The following CCDC30 variants were observed in gnomAD, a reference collection of about 807,000 sequenced individuals.
CCDC30 encodes the protein coiled-coil domain-containing protein 30.
Under a neutral mutation model 100.2 loss-of-function variants are expected in CCDC30, and 70 were observed. That is an observed-to-expected ratio of 0.70 (90% CI 0.58 to 0.85). The LOEUF is 0.85. Among genes scored for constraint, CCDC30 ranks in the 40% least tolerant of loss-of-function variants. The pLI is 0.00. For synonymous variants in CCDC30, 233 were observed against 269.5 expected (o/e 0.86, Z 1.33); for missense variants, 652 against 771.2 (o/e 0.85, Z 1.83).
intron 1 of CCDC30, among the ~76,000 whole-genome samples, chr1:42,466,668 C>T (rs192140785): frequency 1.1e-3 from 165 of 151,970 alleles, no homozygotes; most frequent in African/African-American, 3.8e-3. Flanking sequence ...TCTCCTGCCT[C>T]AGCCTCCTGG....
intron 4 of CCDC30, chr1:42,491,785 G>A (rs1483781951): frequency 3.3e-6 from 1 of 305,908 alleles, no homozygotes; most frequent in African/African-American, 2.2e-5. Flanking sequence ...GGCAAAAAGG[G>A]AGCCGAAAAT....
chr1:42,519,446 A>G (rs545752289), intron 6 of CCDC30, among the ~76,000 whole-genome samples: 1 of 152,114 alleles, frequency 6.6e-6, no homozygotes, highest in Non-Finnish European at 1.5e-5. Context: ...TTACTTACTG[A>G]TTCATTCTTC....
chr1:42,642,241 A>G (rs1008069156), intron 12 of CCDC30, among the ~76,000 whole-genome samples: 2 of 148,822 alleles, frequency 1.3e-5, no homozygotes, highest in African/African-American at 5.0e-5. Context: ...ACAAACAAAC[A>G]AAAAAATATA....
At chr1:42,563,264 C>T (rs756665528) in intron 6 of CCDC30, among the ~76,000 whole-genome samples, 1 of 152,132 alleles carries the variant, frequency 6.6e-6, no homozygotes, top group Admixed American at 6.5e-5. Context: ...CCATGGAATA[C>T]TTTGCAGCCA....
intron 6 of CCDC30, among the ~76,000 whole-genome samples, chr1:42,519,350 A>G (rs935349054): frequency 9.9e-5 from 15 of 152,182 alleles, no homozygotes; most frequent in Non-Finnish European, 2.2e-4. Context: ...GAACATTGGG[A>G]AAAAGGATAT....
intron 6 of CCDC30, among the ~76,000 whole-genome samples, chr1:42,535,709 T>A (rs12568658): frequency 4.2e-4 from 36 of 85,976 alleles, no homozygotes; most frequent in Admixed American, 5.4e-4. Flanking sequence ...TATATATATA[T>A]TATATATATA....
chr1:42,620,198 A>G (rs953344693), intron 11 of CCDC30, among the ~76,000 whole-genome samples: 3 of 152,192 alleles, frequency 2.0e-5, no homozygotes, highest in African/African-American at 2.4e-5. Flanking sequence ...ATAAAAACCT[A>G]TGAACACAAA....
At chr1:42,521,865 G>T (rs188247754) in intron 6 of CCDC30, among the ~76,000 whole-genome samples, 1 of 151,890 alleles carries the variant, frequency 6.6e-6, no homozygotes, top group African/African-American at 2.4e-5. Context: ...TTAGTATAGT[G>T]TAGTAATTTC....
the CCDC30 span, chr1:42,456,585 T>G: frequency 6.7e-7 from 1 of 1,495,482 alleles, no homozygotes; most frequent in Non-Finnish European, 8.9e-7. Context: ...ATGGATCCGG[T>G]AGCCGAGTTC....
chr1:42,538,283 TCG>T (rs1369544018), intron 6 of CCDC30, among the ~76,000 whole-genome samples: 1 of 150,304 alleles, frequency 6.7e-6, no homozygotes, highest in Non-Finnish European at 1.5e-5. Flanking sequence ...TGAGCTGTGA[TCG>T]CACCACTGCA....
chr1:42,479,578 A>G (rs1446000527), intron 1 of CCDC30, among the ~76,000 whole-genome samples: 1 of 151,742 alleles, frequency 6.6e-6, no homozygotes, highest in Non-Finnish European at 1.5e-5. Flanking sequence ...AAAAAAAAAA[A>G]AAAAGCCTCC....
At chr1:42,632,539 G>T (rs1019494239) in intron 11 of CCDC30, among the ~76,000 whole-genome samples, 2 of 151,900 alleles carry the variant, frequency 1.3e-5, no homozygotes, top group South Asian at 4.2e-4. Context: ...TGAGGTGGGC[G>T]GATCACCTGA....
rs1167906556 is a variant in CCDC30, at chr1:42,644,808, G to A, written c.1671+1G>A. The A allele has an allele frequency of 4.4e-6, 7 of 1,582,792 alleles. No individual in the cohort carries two copies. The highest frequency in any genetic ancestry group is 5.2e-6 in the Non-Finnish European group (6 of 1,151,408). On this transcript the variant is annotated splice_donor_variant, in intron 14 of 16. Transcript: ENST00000668663. LOFTEE classifies it high-confidence loss of function. Reference sequence around the variant, plus strand: ...GAGCATCCATATTCGCAGAGGAGAGGTAAGATGTGTGCTTCCTATTGGGCC... The same window carrying A: ...GAGCATCCATATTCGCAGAGGAGAGATAAGATGTGTGCTTCCTATTGGGCC...
At chr1:42,468,997 G>C (rs1395091022) in intron 1 of CCDC30, among the ~76,000 whole-genome samples, 1 of 151,248 alleles carries the variant, frequency 6.6e-6, no homozygotes, top group Admixed American at 6.6e-5. Flanking sequence ...CAAAACAGGA[G>C]AAAGTGACAT....
chr1:42,582,490 A>C (rs1398638510), intron 9 of CCDC30, among the ~76,000 whole-genome samples: 1 of 152,046 alleles, frequency 6.6e-6, no homozygotes, highest in Non-Finnish European at 1.5e-5. Flanking sequence ...CCCCATCAAA[A>C]CTCTTGGAAA....
At chr1:42,520,792 C>T (rs1352081834) in intron 6 of CCDC30, among the ~76,000 whole-genome samples, 1 of 150,788 alleles carries the variant, frequency 6.6e-6, no homozygotes, top group African/African-American at 2.4e-5. Context: ...AGGCACCTGC[C>T]ACCACACCCA....
At chr1:42,607,013 TATAA>T (rs1646515235) in intron 10 of CCDC30, among the ~76,000 whole-genome samples, 4 of 152,228 alleles carry the variant, frequency 2.6e-5, no homozygotes, top group Admixed American at 2.6e-4. Flanking sequence ...GCAGGATTAC[TATAA>T]GAAGGGCATA....
intron 6 of CCDC30, among the ~76,000 whole-genome samples, chr1:42,517,564 G>A (rs1242188087): frequency 1.3e-5 from 2 of 152,084 alleles, no homozygotes; most frequent in Non-Finnish European, 2.9e-5. Flanking sequence ...TTGTGTTTAG[G>A]TCTTTTTATC....
intron 6 of CCDC30, among the ~76,000 whole-genome samples, chr1:42,520,215 T>C (rs554200242): frequency 1.3e-5 from 2 of 152,294 alleles, no homozygotes; most frequent in South Asian, 4.1e-4. Context: ...TTGAGATCTT[T>C]CTTATTTTTT....
Sources: allele counts gnomAD v4.1 joint callset (sites outside exome capture counted in the v4.1 genomes callset), GRCh38; gene constraint gnomAD v4.1.1; transcripts MANE v1.5; gene names NCBI Gene and HGNC (gene_info 2026-07-23, HGNC 2026-07-21).